The following PLEKHG7 variants were observed in gnomAD, a reference collection of about 807,000 sequenced individuals.
The protein encoded by PLEKHG7 is pleckstrin homology and RhoGEF domain containing G7, also known as pleckstrin homology domain-containing family G member 7.
Under a neutral mutation model 85.2 loss-of-function variants are expected in PLEKHG7, and 77 were observed. The ratio of observed to expected loss-of-function variants is 0.90; its 90% CI spans 0.75 to 1.09. The LOEUF (loss-of-function observed/expected upper bound fraction) is 1.09, where lower values mean the gene tolerates loss of function less well. Among genes scored for constraint, PLEKHG7 ranks in the 50% least tolerant of loss-of-function variants. The pLI is 0.00. For synonymous variants in PLEKHG7, 301 were observed against 302.4 expected (o/e 1.00, Z 0.05); for missense variants, 777 against 804.3 (o/e 0.97, Z 0.41).
rs755236156 is a variant in PLEKHG7 at position 92,748,197 on chromosome 12, A to G, written c.1251+2606A>G. Among the ~76,000 whole-genome samples the G allele has an allele frequency of 3.0e-4, 46 of 152,048 alleles. 1 individual carries two copies. Among genetic ancestry groups the G allele is most frequent in the Admixed American group, 1.2e-3 (19 of 15,258 alleles). On this transcript the variant is annotated intron_variant, in intron 10 of 16. Transcript: ENST00000344636. ...ATGAATAAAAATGTGTGTGACATCC[A>G]GGGATATTTTGGGAAAGGTAGTAGA... is the stretch of plus-strand genomic sequence containing the variant.
intron 1 of PLEKHG7, among the ~76,000 whole-genome samples, chr12:92,704,262 A>G (rs1347614126): frequency 6.6e-6 from 1 of 151,448 alleles, no homozygotes; most frequent in African/African-American, 2.4e-5. Flanking sequence ...CTCCATCTCT[A>G]AAAAGAAAAA....
Position 92,706,937 on chromosome 12 carries a change from G to T in PLEKHG7, c.306G>T (p.Leu102Phe). ...PKDSSHLLSP[L>F]RLHSRLTSEP... The stretch of plus-strand genomic sequence containing the variant: ...ATTCTTCACACTTGCTGTCACCCTT[G>T]AGACTCCACTCAAGATTGACCTCTG... Residue 102 changes from leucine to phenylalanine, a missense_variant, in exon 2 of 17, where the codon TTG (leucine) becomes TTT (phenylalanine). By Grantham distance (22) the Leu-to-Phe change is conservative. This residue lies in a region of PLEKHG7 where 252 missense variants were observed against 241.9 expected (regional missense o/e 1.04). Transcript: ENST00000344636. 1 of 1,614,136 alleles carries T rather than the reference G, an allele frequency of 6.2e-7. No individual in the cohort carries two copies. The highest frequency in any genetic ancestry group is 8.5e-7 in the Non-Finnish European group (1 of 1,180,024).
At chr12:92,767,730 T>C (rs1873249051) in intron 15 of PLEKHG7, among the ~76,000 whole-genome samples, 1 of 152,162 alleles carries the variant, frequency 6.6e-6, no homozygotes, top group Admixed American at 6.5e-5. Context: ...CAACAGCCCC[T>C]CAGATAAGCC....
In PLEKHG7 at chr12:92,706,910, G is replaced by A. The variant is rs368579915; in HGVS notation, c.279G>A (p.Lys93=). 60 of 1,613,996 alleles carry A rather than the reference G, an allele frequency of 3.7e-5. No homozygotes were observed. The African/African-American group carries it at 6.3e-4, about 17-fold the overall frequency. ...YLSKSLPGSP[K]DSSHLLSPLR... ...CGAAGAGCCTGCCAGGAAGCCCAAA[G>A]GATTCTTCACACTTGCTGTCACCCT... is the stretch of plus-strand genomic sequence containing the variant. The change falls in exon 2 of 17, where the codon AAG becomes AAA. Residue 93 remains lysine, a synonymous_variant. Transcript: ENST00000344636.
intron 5 of PLEKHG7, among the ~76,000 whole-genome samples, chr12:92,735,009 TG>T (rs1872098073): frequency 6.6e-6 from 1 of 152,124 alleles, no homozygotes; most frequent in African/African-American, 2.4e-5. Context: ...ACTGGGAGAA[TG>T]GTCTCCTCTC....
At chr12:92,751,083 T>A (rs767577331) in intron 10 of PLEKHG7, among the ~76,000 whole-genome samples, 17 of 152,200 alleles carry the variant, frequency 1.1e-4, no homozygotes, top group Non-Finnish European at 1.9e-4. Flanking sequence ...CATTTATAGG[T>A]CGATTTCAGG....
At position 92,761,745 on chromosome 12, in the gene PLEKHG7, T is replaced by C. The variant is rs758413863; in HGVS notation, c.1637-7T>C. On this transcript the variant is annotated splice_polypyrimidine_tract_variant and splice_region_variant and intron_variant, in intron 13 of 16. Transcript: ENST00000344636. ...GTCCCCATTTCAGCTTCTCTTTTTT[T>C]CCTCAGAAAGCACGAGATTCCTAGA... 2.6e-6 allele frequency: 4 copies of C among 1,559,114 alleles called. No homozygotes were observed. The East Asian group carries it at 7.4e-5, about 29-fold the overall frequency.
At chr12:92,730,491 G>A (rs1555194968) in intron 4 of PLEKHG7, among the ~76,000 whole-genome samples, 1 of 152,230 alleles carries the variant, frequency 6.6e-6, no homozygotes, top group Non-Finnish European at 1.5e-5. Flanking sequence ...GTGGTGTCCA[G>A]CAGTCTGTTA....
At chr12:92,768,058 A>G (rs1200820727) in intron 15 of PLEKHG7, among the ~76,000 whole-genome samples, 2 of 152,058 alleles carry the variant, frequency 1.3e-5, no homozygotes, top group African/African-American at 2.4e-5. Flanking sequence ...ACACAAAAAA[A>G]TTAGCCAGGC....
At chr12:92,724,466 C>T (rs2136585940) in intron 3 of PLEKHG7, among the ~76,000 whole-genome samples, 1 of 152,240 alleles carries the variant, frequency 6.6e-6, no homozygotes, top group Middle Eastern at 3.4e-3. Flanking sequence ...GAAAGATGGC[C>T]TCATCCTTGG....
At chr12:92,723,780 G>T (rs1471555895) in intron 3 of PLEKHG7, among the ~76,000 whole-genome samples, 1 of 152,118 alleles carries the variant, frequency 6.6e-6, no homozygotes, top group African/African-American at 2.4e-5. Flanking sequence ...GCATGGAACA[G>T]AAACACAGAA....
chr12:92,759,963 G>A (rs1872938723), intron 13 of PLEKHG7, among the ~76,000 whole-genome samples: 1 of 152,154 alleles, frequency 6.6e-6, no homozygotes. Context: ...AAGTCATTAG[G>A]AATCCAGATT....
chr12:92,737,566 T>G (rs1565791529), intron 7 of PLEKHG7, 45 bp downstream of exon 7: 2 of 1,576,670 alleles, frequency 1.3e-6, no homozygotes, highest in Non-Finnish European at 1.7e-6. Flanking sequence ...AATATTAATT[T>G]GTTTTTTTGG....
At chr12:92,725,422 C>T (rs1318056772) in intron 3 of PLEKHG7, among the ~76,000 whole-genome samples, 2 of 152,032 alleles carry the variant, frequency 1.3e-5, no homozygotes, top group Non-Finnish European at 2.9e-5. Flanking sequence ...AGATAACTCA[C>T]CTTTAGTGAC....
intron 3 of PLEKHG7, among the ~76,000 whole-genome samples, chr12:92,724,899 G>A (rs1393371452): frequency 2.0e-5 from 3 of 151,960 alleles, no homozygotes; most frequent in Non-Finnish European, 4.4e-5. Context: ...GCAAGAAAAG[G>A]AAAGAGCATG....
At chr12:92,748,777 A>G (rs1181037831) in intron 10 of PLEKHG7, among the ~76,000 whole-genome samples, 4 of 152,200 alleles carry the variant, frequency 2.6e-5, no homozygotes, top group Non-Finnish European at 5.9e-5. Context: ...ACTATTTCCA[A>G]TTCCTTGGGG....
chr12:92,716,189 T>G (rs372476935), intron 3 of PLEKHG7, among the ~76,000 whole-genome samples: 2 of 152,052 alleles, frequency 1.3e-5, no homozygotes, highest in Non-Finnish European at 2.9e-5. Flanking sequence ...CTCTGCCTCC[T>G]GGGTTCAAGT....
rs570808883 is a variant in PLEKHG7, at chr12:92,763,814, G to C, written c.1717-227G>C. ...AGCCTGGGTGACAGAGTGAGACCCT[G>C]TCTCAAGAAAAAAAATTTTATTAAT... On this transcript the variant is annotated intron_variant, in intron 14 of 16. Transcript: ENST00000344636. Among the ~76,000 whole-genome samples the C allele has an allele frequency of 3.0e-4, 45 of 152,008 alleles. No individual in the cohort carries two copies. In the South Asian group the frequency reaches 8.8e-3, roughly 30 times the overall value.
chr12:92,757,425 G>A (rs904070644), intron 13 of PLEKHG7, among the ~76,000 whole-genome samples: 4 of 152,138 alleles, frequency 2.6e-5, no homozygotes, highest in African/African-American at 9.7e-5. Context: ...GTGGTGATGT[G>A]ATATCTGGTG....
Sources: allele counts gnomAD v4.1 joint callset (sites outside exome capture counted in the v4.1 genomes callset), GRCh38; gene constraint gnomAD v4.1.1; regional missense constraint gnomAD v4.1.1; transcripts MANE v1.5; gene names NCBI Gene and HGNC (gene_info 2026-07-23, HGNC 2026-07-21).